The following PTPRD variants were observed in gnomAD, a reference collection of about 807,000 sequenced individuals.
PTPRD encodes the protein protein tyrosine phosphatase receptor type D.
A neutral mutation model predicts 214.5 loss-of-function variants in PTPRD; 34 were observed. The observed-to-expected ratio is 0.16, with a 90% CI of 0.12 to 0.21. PTPRD has a LOEUF of 0.21. PTPRD is among the 10% of genes least tolerant of loss of function. PTPRD has a pLI of 1.00. For synonymous variants in PTPRD, 1,128 were observed against 845.7 expected (o/e 1.33, Z -5.79); for missense variants, 2,545 against 2,398.7 (o/e 1.06, Z -1.27).
chr9:9,481,579 T>C (rs1448467203), intron 8 of PTPRD, among the ~76,000 whole-genome samples: 3 of 152,072 alleles, frequency 2.0e-5, no homozygotes, highest in Non-Finnish European at 4.4e-5. Flanking sequence ...AAAATAAATA[T>C]ATAATAGTTA....
chr9:10,288,124 T>A (rs1678031023), intron 3 of PTPRD, among the ~76,000 whole-genome samples: 1 of 123,466 alleles, frequency 8.1e-6, no homozygotes, highest in South Asian at 2.8e-4. Flanking sequence ...GTTGGAAGAC[T>A]TGGAAACACA....
At chr9:8,798,710 G>C (rs1208696339) in intron 11 of PTPRD, among the ~76,000 whole-genome samples, 1 of 152,164 alleles carries the variant, frequency 6.6e-6, no homozygotes, top group African/African-American at 2.4e-5. Flanking sequence ...AGAAAGCTGT[G>C]CCTTCTTGAA....
chr9:8,766,944 A>T lies in PTPRD; in HGVS notation c.-103-32998T>A, dbSNP rs185927977. On this transcript the variant is annotated intron_variant, in intron 11 of 45. Transcript: ENST00000381196. ...TCGCATAAGGTCATAGTTTTCAAGA[A>T]CCTATCAACAATGTTAAGTGAGGAC... Among the ~76,000 whole-genome samples the T allele has an allele frequency of 1.8e-3, 270 of 152,264 alleles. 1 individual carries two copies. Among genetic ancestry groups the T allele is most frequent in the Middle Eastern group, 3.4e-3 (1 of 294 alleles).
At chr9:9,338,369 A>C (rs1360595352) in intron 9 of PTPRD, among the ~76,000 whole-genome samples, 1 of 152,220 alleles carries the variant, frequency 6.6e-6, no homozygotes, top group Admixed American at 6.5e-5. Flanking sequence ...TCTGAAAGGC[A>C]TATTTTAAAC....
intron 10 of PTPRD, among the ~76,000 whole-genome samples, chr9:9,044,433 C>G (rs1039693454): frequency 6.6e-6 from 1 of 152,196 alleles, no homozygotes; most frequent in Non-Finnish European, 1.5e-5. Context: ...ACTTTTGCAG[C>G]AAACTCAGTA....
At chr9:9,123,605 G>A (rs1382030827) in intron 10 of PTPRD, among the ~76,000 whole-genome samples, 1 of 152,044 alleles carries the variant, frequency 6.6e-6, no homozygotes, top group East Asian at 1.9e-4. Context: ...CCAGCCCATA[G>A]ACTGATAAAA....
chr9:10,210,937 T>C (rs2099514353), intron 3 of PTPRD, among the ~76,000 whole-genome samples: 1 of 150,312 alleles, frequency 6.7e-6, no homozygotes, highest in South Asian at 2.1e-4. Flanking sequence ...AGTCATTCCA[T>C]AAAATTCACC....
At chr9:10,229,250 G>C (rs535780707) in intron 3 of PTPRD, among the ~76,000 whole-genome samples, 41 of 152,040 alleles carry the variant, frequency 2.7e-4, no homozygotes, top group Non-Finnish European at 4.7e-4. Flanking sequence ...TTACACTGTT[G>C]GCGGGACTGT....
intron 6 of PTPRD, among the ~76,000 whole-genome samples, chr9:9,756,923 C>T (rs117743584): frequency 0.016 from 2,371 of 152,198 alleles, 38 homozygotes; most frequent in African/African-American, 0.039. Context: ...ACATGCTAGT[C>T]GTTTTCAAAT....
chr9:9,188,379 G>C (rs138080535), intron 9 of PTPRD, among the ~76,000 whole-genome samples: 5 of 152,018 alleles, frequency 3.3e-5, no homozygotes, highest in African/African-American at 1.2e-4. Context: ...AGATAATGAG[G>C]AGTGGAATTG....
intron 3 of PTPRD, among the ~76,000 whole-genome samples, chr9:10,336,488 A>C (rs1033454649): frequency 2.5e-4 from 38 of 151,680 alleles, no homozygotes; most frequent in African/African-American, 9.2e-4. Context: ...AATAAAAAAT[A>C]ATATGAAAAG....
At chr9:8,780,810 A>T (rs1021907052) in intron 11 of PTPRD, among the ~76,000 whole-genome samples, 1 of 152,218 alleles carries the variant, frequency 6.6e-6, no homozygotes, top group Non-Finnish European at 1.5e-5. Context: ...ATGCCAGAAA[A>T]GGAAGGAGAT....
chr9:9,201,075 A>G (rs545822672), intron 9 of PTPRD, among the ~76,000 whole-genome samples: 1 of 152,346 alleles, frequency 6.6e-6, no homozygotes, highest in South Asian at 2.1e-4. Context: ...CTGAATAAAT[A>G]TATGGAAAAT....
At chr9:10,064,411 C>T (rs1335778093) in intron 3 of PTPRD, among the ~76,000 whole-genome samples, 1 of 151,950 alleles carries the variant, frequency 6.6e-6, no homozygotes, top group Non-Finnish European at 1.5e-5. Flanking sequence ...TAAATCAAAT[C>T]TATATAGGCT....
Position 10,132,488 on chromosome 9 carries a change from G to A in PTPRD, c.-544-98698C>T, listed in dbSNP as rs763419427. Among the ~76,000 whole-genome samples the A allele has an allele frequency of 7.2e-5, 11 of 152,048 alleles. 1 individual carries two copies. The highest frequency in any genetic ancestry group is 1.2e-4 in the Non-Finnish European group (8 of 68,016). ...GAGGAGATCCAAATATACTGAAATG[G>A]GAACAAATTATTTTAATAGATACAG... On this transcript the variant is annotated intron_variant, in intron 3 of 45. Coordinates refer to ENST00000381196, the MANE Select transcript of PTPRD (RefSeq NM_002839.4).
chr9:8,960,720 C>A (rs1198672604), intron 11 of PTPRD, among the ~76,000 whole-genome samples: 1 of 152,104 alleles, frequency 6.6e-6, no homozygotes, highest in African/African-American at 2.4e-5. Context: ...TACTTTCTAG[C>A]TTAATCCTGA....
rs200363471 is a variant in PTPRD, at chr9:8,496,213, C to A, written c.2349+1029G>T. Among the ~76,000 whole-genome samples the A allele has an allele frequency of 2.7e-3, 352 of 128,152 alleles. 2 individuals carry two copies. Among genetic ancestry groups the A allele is most frequent in the African/African-American group, 8.5e-3 (324 of 38,042 alleles). The allele number at this position is 128,152 out of a possible 152,430, so 84.1% of individuals were successfully genotyped here. A position where few individuals can be genotyped will look rare whatever the true frequency, so the allele number is the denominator to read the frequency against. On this transcript the variant is annotated intron_variant, in intron 26 of 45. Transcript: ENST00000381196. ...ACACACACACACACACACACACAAA[C>A]ACACACACACACACACACTTTTTCA...
At chr9:9,331,060 C>G (rs891937992) in intron 9 of PTPRD, among the ~76,000 whole-genome samples, 3 of 151,926 alleles carry the variant, frequency 2.0e-5, no homozygotes, top group East Asian at 3.9e-4. Context: ...AGAGTCTAAG[C>G]AAACATGAAG....
chr9:9,128,022 A>C (rs2099836732), intron 10 of PTPRD, among the ~76,000 whole-genome samples: 1 of 152,152 alleles, frequency 6.6e-6, no homozygotes, highest in Non-Finnish European at 1.5e-5. Context: ...TTTAGGCTCT[A>C]AAATAAATTC....
Sources: gnomAD v4.1 joint callset for allele counts (sites outside exome capture counted in the v4.1 genomes callset) on GRCh38, gnomAD v4.1.1 for gene constraint, MANE v1.5 for transcripts, NCBI Gene and HGNC (gene_info 2026-07-23, HGNC 2026-07-21) for gene names.